LIMA1: variants seen among roughly 807,000 people sequenced by gnomAD.
The protein encoded by LIMA1 is LIM domain and actin-binding protein 1.
LIMA1 carries 52 observed loss-of-function variants against 62.6 expected under a neutral mutation model. The ratio of observed to expected loss-of-function variants is 0.83; its 90% CI spans 0.67 to 1.05. The LOEUF is 1.05. Among genes scored for constraint, LIMA1 ranks in the 50% least tolerant of loss-of-function variants. LIMA1 has a pLI of 0.00. For missense variants in LIMA1, 780 were observed against 902.2 expected, an observed-to-expected ratio of 0.86 and a Z score of 1.74; for synonymous variants, 302 against 317.8, an observed-to-expected ratio of 0.95 and a Z score of 0.53.
At chr12:50,225,345 A>C (rs894624211) in intron 3 of LIMA1, among the ~76,000 whole-genome samples, 1 of 152,192 alleles carries the variant, frequency 6.6e-6, no homozygotes, top group Non-Finnish European at 1.5e-5. Context: ...GCTGTAATAC[A>C]TGCCATTTTC....
intron 6 of LIMA1, among the ~76,000 whole-genome samples, chr12:50,202,706 T>C (rs747847174): frequency 6.6e-6 from 1 of 152,198 alleles, no homozygotes; most frequent in Non-Finnish European, 1.5e-5. Flanking sequence ...GCCCAGAGAA[T>C]TAGTCCACCA....
chr12:50,262,212 G>A (rs1013789681), intron 1 of LIMA1, among the ~76,000 whole-genome samples: 1 of 152,012 alleles, frequency 6.6e-6, no homozygotes. Context: ...TGGCTCTACA[G>A]GTAACAAAGC....
intron 4 of LIMA1, among the ~76,000 whole-genome samples, chr12:50,219,243 G>C (rs1335143271): frequency 6.6e-6 from 1 of 152,174 alleles, no homozygotes; most frequent in African/African-American, 2.4e-5. Context: ...CAGCTCTTTG[G>C]GAGGCTTGAG....
At chr12:50,235,094 G>A (rs752846456) in intron 2 of LIMA1, among the ~76,000 whole-genome samples, 7 of 151,888 alleles carry the variant, frequency 4.6e-5, no homozygotes, top group African/African-American at 1.2e-4. Context: ...CATCACACCC[G>A]ACTAATTTAA....
chr12:50,201,030 A>G, intron 6 of LIMA1, 146 bp from the exon 7 acceptor site: 1 of 1,431,980 alleles, frequency 7.0e-7, no homozygotes, highest in Non-Finnish European at 9.1e-7. Flanking sequence ...CTCACAAGCA[A>G]AACCCACTGA....
At chr12:50,223,131 T>C (rs1214874508) in intron 3 of LIMA1, among the ~76,000 whole-genome samples, 1 of 152,212 alleles carries the variant, frequency 6.6e-6, no homozygotes, top group Non-Finnish European at 1.5e-5. Flanking sequence ...TTATTTTTCA[T>C]AAGAATTTAA....
chr12:50,269,112 C>T (rs1007447833), intron 1 of LIMA1, among the ~76,000 whole-genome samples: 2 of 152,186 alleles, frequency 1.3e-5, no homozygotes, highest in Admixed American at 1.3e-4. Flanking sequence ...GTTTCATCAT[C>T]ACTAAAATGT....
chr12:50,247,139 A>G (rs1941861240), intron 2 of LIMA1, among the ~76,000 whole-genome samples: 1 of 152,056 alleles, frequency 6.6e-6, no homozygotes, highest in South Asian at 2.1e-4. Flanking sequence ...CCCTGTCTCA[A>G]CATTTTTTTT....
intron 3 of LIMA1, 79 bp from the exon 4 acceptor site, chr12:50,222,564 G>A (rs1479014428): frequency 3.4e-5 from 55 of 1,595,290 alleles, no homozygotes; most frequent in Non-Finnish European, 4.6e-5. Context: ...TAAAATGAAA[G>A]TTAAAACTCC....
At chr12:50,215,111 C>T (rs968067265) in intron 4 of LIMA1, among the ~76,000 whole-genome samples, 2 of 152,190 alleles carry the variant, frequency 1.3e-5, no homozygotes, top group African/African-American at 4.8e-5. Context: ...GATCATCACA[C>T]TTTAGCTTGG....
chr12:50,276,508 G>GT (rs1369470750), intron 1 of LIMA1, among the ~76,000 whole-genome samples: 1 of 152,110 alleles, frequency 6.6e-6, no homozygotes, highest in Admixed American at 6.6e-5. Flanking sequence ...GGAAATGAAA[G>GT]TGAGTATTTA....
intron 2 of LIMA1, among the ~76,000 whole-genome samples, chr12:50,237,969 T>C (rs923702173): frequency 1.3e-5 from 2 of 152,260 alleles, no homozygotes; most frequent in African/African-American, 2.4e-5. Context: ...GCTGAAACTA[T>C]AAAACTCTTG....
At chr12:50,215,631 G>A (rs1451563712) in intron 4 of LIMA1, among the ~76,000 whole-genome samples, 7 of 152,062 alleles carry the variant, frequency 4.6e-5, no homozygotes, top group Non-Finnish European at 8.8e-5. Flanking sequence ...CACCACGCCC[G>A]GCTAATTTTT....
At chr12:50,221,838 CAG>C (rs761908664) in intron 4 of LIMA1, among the ~76,000 whole-genome samples, 181 bp downstream of exon 4, 5 of 152,194 alleles carry the variant, frequency 3.3e-5, no homozygotes, top group Non-Finnish European at 4.4e-5. Flanking sequence ...GAAATTGTGT[CAG>C]AGACTCACAA....
chr12:50,223,256 C>T (rs970865367), intron 3 of LIMA1, among the ~76,000 whole-genome samples: 5 of 150,958 alleles, frequency 3.3e-5, no homozygotes, highest in Non-Finnish European at 5.9e-5. Flanking sequence ...AGGCCGAGGC[C>T]GGCGGATCAC....
intron 4 of LIMA1, among the ~76,000 whole-genome samples, chr12:50,214,053 A>ACACACACACACACACAC (rs1565843598): frequency 2.8e-4 from 19 of 67,932 alleles, no homozygotes; most frequent in African/African-American, 1.5e-3. Context: ...CACACACACG[A>ACACACACACACACACAC]GATTACTCAG....
At chr12:50,200,372 T>C (rs528797630) in intron 7 of LIMA1, among the ~76,000 whole-genome samples, 1 of 152,094 alleles carries the variant, frequency 6.6e-6, no homozygotes, top group East Asian at 1.9e-4. Context: ...CCCGGCTTTT[T>C]ATATTTTTAG....
chr12:50,247,745 TC>T (rs532093434), intron 2 of LIMA1, among the ~76,000 whole-genome samples: 41 of 152,090 alleles, frequency 2.7e-4, no homozygotes, highest in Non-Finnish European at 5.6e-4. Flanking sequence ...TGCCTCAGCC[TC>T]CTGAGCAGCT....
chr12:50,196,260 C>G (rs1565835149), intron 7 of LIMA1, among the ~76,000 whole-genome samples: 1 of 152,162 alleles, frequency 6.6e-6, no homozygotes, highest in Non-Finnish European at 1.5e-5. Context: ...CCATAACCCA[C>G]TCCAAGGAAA....
Sources: gnomAD v4.1 joint callset for allele counts (sites outside exome capture counted in the v4.1 genomes callset) on GRCh38, gnomAD v4.1.1 for gene constraint, MANE v1.5 for transcripts, NCBI Gene and HGNC (gene_info 2026-07-23, HGNC 2026-07-21) for gene names.